Variants in GNG7 observed in about 807,000 individuals in gnomAD.
GNG7 encodes G protein subunit gamma 7.
Under a neutral mutation model 4.0 loss-of-function variants are expected in GNG7, and 1 was observed. The ratio of observed to expected loss-of-function variants is 0.25; its 90% confidence interval spans 0.09 to 1.18. The LOEUF is 1.18. Ranked by LOEUF, GNG7 falls within the 50% of genes most tolerant of loss-of-function variation. The probability of loss-of-function intolerance (pLI) is 0.50; values close to 1 mark genes in which losing one functional copy is unlikely to be tolerated. For synonymous variants in GNG7, 34 were observed against 36.9 expected, an observed-to-expected ratio of 0.92 and a Z score of 0.29; for missense variants, 86 against 91.9, an observed-to-expected ratio of 0.94 and a Z score of 0.26.
chr19:2,516,414 G>A (rs1025938116), intron 4 of GNG7, among the ~76,000 whole-genome samples: 2 of 151,942 alleles, frequency 1.3e-5, no homozygotes, highest in South Asian at 2.1e-4. Context: ...TAGTAGAGAC[G>A]GGTTTCAGCA....
intron 2 of GNG7, among the ~76,000 whole-genome samples, chr19:2,581,742 C>T (rs1014275730): frequency 2.6e-5 from 4 of 152,312 alleles, no homozygotes; most frequent in African/African-American, 7.2e-5. Flanking sequence ...ACGCATGAAC[C>T]GTGTTATGGT....
chr19:2,690,832 T>G (rs1913119778), intron 1 of GNG7, among the ~76,000 whole-genome samples: 1 of 152,090 alleles, frequency 6.6e-6, no homozygotes, highest in Non-Finnish European at 1.5e-5. Flanking sequence ...GACCTCAAGT[T>G]ATCCACCCAC....
intron 1 of GNG7, among the ~76,000 whole-genome samples, chr19:2,664,351 G>T (rs1385183713): frequency 6.6e-6 from 1 of 152,214 alleles, no homozygotes; most frequent in Admixed American, 6.6e-5. Flanking sequence ...CAAAGGAAGG[G>T]GGCAGAGAGG....
chr19:2,636,861 G>A (rs1982320997), intron 2 of GNG7, among the ~76,000 whole-genome samples: 1 of 152,028 alleles, frequency 6.6e-6, no homozygotes, highest in African/African-American at 2.4e-5. Flanking sequence ...GATACAGTCA[G>A]TATGCACTGC....
rs1468606217 is a variant in GNG7 at position 2,657,352 on chromosome 19, AAAAAAAAAAATATATATATATATATAT to A, written c.-134-11099_-134-11073del. Among the ~76,000 whole-genome samples, 5 of 23,330 alleles carry A rather than the reference AAAAAAAAAAATATATATATATATATAT, an allele frequency of 2.1e-4. 1 individual carries two copies. Among genetic ancestry groups the A allele is most frequent in the Non-Finnish European group, 5.1e-4 (5 of 9,760 alleles). The allele number at this position is 23,330 out of a possible 152,430, so 15.3% of individuals were successfully genotyped here. ...CCGTCTCAATTAAAAAAAAAAAAAAAAAAAAAAAAATATATATATATATATATATATATATATATATATATATACACA... is the reference window on the plus strand; with the variant it reads ...CCGTCTCAATTAAAAAAAAAAAAAAAATATATATATATATATATATACACA... On this transcript the variant is annotated intron_variant, in intron 1 of 4. Coordinates refer to ENST00000382159, the MANE Select transcript of GNG7 (RefSeq NM_052847.3).
At chr19:2,603,191 C>T (rs532913509) in intron 2 of GNG7, among the ~76,000 whole-genome samples, 216 of 152,114 alleles carry the variant, frequency 1.4e-3, no homozygotes, top group African/African-American at 5.0e-3. Context: ...CTCAGCCTCC[C>T]GAGTAGCTGG....
Position 2,609,362 on chromosome 19 carries a change from T to C in GNG7, c.-78+36862A>G, listed in dbSNP as rs1981491903. On this transcript the variant is annotated intron_variant, in intron 2 of 4. Transcript: ENST00000382159. This position sits in a 1 kb window ranked among gnomAD's most constrained non-coding sequence, Gnocchi z 4.4. ...ACACTAAAGTGTTATTTCATCTTGG[T>C]CGCTGAGGTTTTTTAGCGCCCCCTT... is the stretch of plus-strand genomic sequence containing the variant. Among the ~76,000 whole-genome samples the C allele has an allele frequency of 6.6e-6, 1 of 152,096 alleles. No homozygotes were observed.
At chr19:2,620,315 C>T (rs1449972847) in intron 2 of GNG7, among the ~76,000 whole-genome samples, 1 of 151,132 alleles carries the variant, frequency 6.6e-6, no homozygotes, top group African/African-American at 2.4e-5. Flanking sequence ...TGCACCCTGG[C>T]TACAGGCCGT....
At chr19:2,665,078 G>A (rs1376786074) in intron 1 of GNG7, among the ~76,000 whole-genome samples, 5 of 151,468 alleles carry the variant, frequency 3.3e-5, no homozygotes, top group Non-Finnish European at 7.4e-5. Flanking sequence ...AGGGAGAGAG[G>A]AGGTGAATCC....
rs1981565334 is a variant in GNG7, at chr19:2,611,565, A to G, written c.-78+34659T>C. ...TAAAAATATCTCTTAGGCCGGGTGCAATGGCTCACGCCTGTAATCCCAGCA... is the reference window on the plus strand; with the variant it reads ...TAAAAATATCTCTTAGGCCGGGTGCGATGGCTCACGCCTGTAATCCCAGCA... On this transcript the variant is annotated intron_variant, in intron 2 of 4. Transcript: ENST00000382159. The surrounding 1 kb of genome is among the most constrained non-coding windows in gnomAD (Gnocchi z 6.0). 2 of 152,244 alleles carry G rather than the reference A, an allele frequency of 1.3e-5. No homozygotes were observed. The highest frequency in any genetic ancestry group is 1.3e-4 in the Admixed American group (2 of 15,284). 9.4% of individuals were successfully genotyped at this position (152,244 alleles called of 1,614,324 possible). A position where few individuals can be genotyped will look rare whatever the true frequency, so the allele number is the denominator to read the frequency against.
rs1330877708 is a variant in GNG7, at chr19:2,568,417, GACATACACACATACATAT to G, written c.-77-13247_-77-13230del. 1.4e-4 allele frequency among the ~76,000 whole-genome samples: 20 copies of G among 140,704 alleles called. 1 individual carries two copies. In the East Asian group the frequency reaches 2.6e-3, roughly 19 times the overall value. The allele number at this position is 140,704 out of a possible 152,430, so 92.3% of individuals were successfully genotyped here. On this transcript the variant is annotated intron_variant, in intron 2 of 4. Transcript: ENST00000382159. ...ACAAACACACACACATATACACATA[GACATACACACATACATAT>G]ACATACACACATACATATACATACA...
At chr19:2,697,484 G>T (rs16991293) in intron 1 of GNG7, among the ~76,000 whole-genome samples, 5,498 of 152,152 alleles carry the variant, frequency 0.036, 364 homozygotes, top group African/African-American at 0.13. Context: ...CACACTCATC[G>T]GTAGGGTCTC....
At chr19:2,641,667 A>AT (rs949266747) in intron 2 of GNG7, among the ~76,000 whole-genome samples, 2 of 148,812 alleles carry the variant, frequency 1.3e-5, no homozygotes, top group Admixed American at 1.3e-4. Context: ...TTTTTTTTTT[A>AT]TTTTTTCTTT....
At chr19:2,657,361 A>AAAAATATATATATATATATAT (rs1555701153) in intron 1 of GNG7, among the ~76,000 whole-genome samples, 1 of 16,342 alleles carries the variant, frequency 6.1e-5, no homozygotes. Context: ...AAAAAAAAAA[A>AAAAATATATATATATATATAT]ATATATATAT....
At chr19:2,589,531 A>C (rs937660755) in intron 2 of GNG7, among the ~76,000 whole-genome samples, 2 of 150,590 alleles carry the variant, frequency 1.3e-5, no homozygotes, top group Non-Finnish European at 3.0e-5. Flanking sequence ...CCCAGATGTC[A>C]TTTCTTGCAG....
In GNG7 at chr19:2,670,885, C is replaced by A. The variant is rs536161026; in HGVS notation, c.-134-24605G>T. On this transcript the variant is annotated intron_variant, in intron 1 of 4. Coordinates refer to ENST00000382159, the MANE Select transcript of GNG7 (RefSeq NM_052847.3). ...GACCACCCCTCCCACAAAGAGACGG[C>A]GTCCCATGATCCTCTGCCCTGCTGA... Among the ~76,000 whole-genome samples, 4 of 152,220 alleles carry A rather than the reference C, an allele frequency of 2.6e-5. No individual in the cohort carries two copies. The South Asian group carries it at 6.2e-4, about 24-fold the overall frequency.
intron 2 of GNG7, among the ~76,000 whole-genome samples, chr19:2,644,542 G>A (rs1982615592): frequency 6.6e-6 from 1 of 151,852 alleles, no homozygotes; most frequent in Non-Finnish European, 1.5e-5. Flanking sequence ...ATGGCATTTA[G>A]TACATTCAGA....
intron 1 of GNG7, among the ~76,000 whole-genome samples, chr19:2,673,435 G>A (rs1230417797): frequency 2.0e-5 from 3 of 152,000 alleles, no homozygotes; most frequent in Non-Finnish European, 2.9e-5. Context: ...GCTCACGCCT[G>A]TAATCCCAGC....
Position 2,543,773 on chromosome 19 carries a change from C to T in GNG7, c.-38+11376G>A, listed in dbSNP as rs562683908. Among the ~76,000 whole-genome samples, 34 of 152,312 alleles carry T rather than the reference C, an allele frequency of 2.2e-4. No homozygotes were observed. In the South Asian group the frequency reaches 5.4e-3, roughly 24 times the overall value. On this transcript the variant is annotated intron_variant, in intron 3 of 4. Coordinates refer to ENST00000382159, the MANE Select transcript of GNG7 (RefSeq NM_052847.3). ...GAGGCGGCTGCGCTTTTCCAGTCTGCTCATCAAAGCAGAGCCAGCCTTGTG... is the reference window on the plus strand; with the variant it reads ...GAGGCGGCTGCGCTTTTCCAGTCTGTTCATCAAAGCAGAGCCAGCCTTGTG...
Sources: allele counts gnomAD v4.1 joint callset (sites outside exome capture counted in the v4.1 genomes callset), GRCh38; gene constraint gnomAD v4.1.1; non-coding constraint Gnocchi (gnomAD v3.1); transcripts MANE v1.5; gene names NCBI Gene and HGNC (gene_info 2026-07-23, HGNC 2026-07-21).